TSNARE1: variants seen among roughly 807,000 people sequenced by gnomAD.
TSNARE1 encodes the protein t-SNARE domain-containing protein 1.
Under a neutral mutation model 62.0 loss-of-function variants are expected in TSNARE1, and 49 were observed. The observed-to-expected ratio is 0.79, with a 90% CI of 0.63 to 1.00. The LOEUF (loss-of-function observed/expected upper bound fraction) is 1.00. Among genes scored for constraint, TSNARE1 ranks in the 50% least tolerant of loss-of-function variants. The pLI is 0.00. For synonymous variants in TSNARE1, 328 were observed against 294.4 expected, an observed-to-expected ratio of 1.11 and a Z score of -1.17; for missense variants, 755 against 700.1, an observed-to-expected ratio of 1.08 and a Z score of -0.88.
At position 142,251,300 on chromosome 8, in the gene TSNARE1, T is replaced by C. The variant is rs528817819; in HGVS notation, c.1447-21721A>G. On this transcript the variant is annotated intron_variant, in intron 12 of 13. Transcript: ENST00000524325. The stretch of plus-strand genomic sequence containing the variant: ...GCTCAGGCAGTGTCGGAGTTTGAGA[T>C]TCCGGTCAGCTAGGGCTGAGAACCC... Among the ~76,000 whole-genome samples the C allele has an allele frequency of 1.5e-3, 220 of 145,702 alleles. 1 individual carries two copies. The highest frequency in any genetic ancestry group is 5.3e-3 in the African/African-American group (215 of 40,244).
chr8:142,331,414 C>T (rs1453809020), intron 5 of TSNARE1, among the ~76,000 whole-genome samples: 1 of 152,220 alleles, frequency 6.6e-6, no homozygotes, highest in African/African-American at 2.4e-5. Flanking sequence ...CCAGATCACA[C>T]AAAAGGTGTC....
intron 1 of TSNARE1, among the ~76,000 whole-genome samples, chr8:142,400,739 G>A (rs946269853): frequency 1.7e-4 from 26 of 152,216 alleles, no homozygotes; most frequent in African/African-American, 5.8e-4. Flanking sequence ...GGGATAAAAC[G>A]CCCAACAACC....
In TSNARE1 at chr8:142,314,405, C is replaced by T. The variant is rs1828183565; in HGVS notation, c.1110G>A (p.Met370Ile). Reference protein sequence around the residue: ...IAEKSRALLPMAQRGSKQSPQ... With the variant: ...IAEKSRALLPIAQRGSKQSPQ... Reference sequence around the variant, plus strand: ...CCACCTGTTTACTGCCCCTCTGCGCCATGGGAAGCAGCGCTCTGGACTTTT... The same window carrying T: ...CCACCTGTTTACTGCCCCTCTGCGCTATGGGAAGCAGCGCTCTGGACTTTT... The change falls in exon 9 of 14, where the codon ATG (methionine) becomes ATA (isoleucine). Residue 370 changes from methionine (M) to isoleucine (I), a missense_variant. Met to Ile is a conservative substitution (Grantham distance 10). Transcript: ENST00000524325. The T allele has an allele frequency of 6.2e-7, 1 of 1,613,934 alleles. No homozygotes were observed. Among genetic ancestry groups the T allele is most frequent in the Non-Finnish European group, 8.5e-7 (1 of 1,179,986 alleles).
chr8:142,215,506 T>C (rs1053989304), intron 13 of TSNARE1, among the ~76,000 whole-genome samples: 41 of 152,188 alleles, frequency 2.7e-4, no homozygotes, highest in African/African-American at 8.4e-4. Context: ...CCATTGCCCT[T>C]GTCCACCACC....
chr8:142,336,322 T>C (rs1831757402), intron 4 of TSNARE1, among the ~76,000 whole-genome samples: 1 of 146,610 alleles, frequency 6.8e-6, no homozygotes, highest in Non-Finnish European at 1.5e-5. Context: ...GATCTTGCTC[T>C]ACAGTATATA....
At chr8:142,276,801 G>C in intron 11 of TSNARE1, 2 of 985,386 alleles carry the variant, frequency 2.0e-6, no homozygotes, top group Non-Finnish European at 2.4e-6. Context: ...TGCATGCACC[G>C]GCCACAGACC....
intron 1 of TSNARE1, among the ~76,000 whole-genome samples, chr8:142,401,501 C>G (rs1476485059): frequency 6.6e-6 from 1 of 152,196 alleles, no homozygotes; most frequent in Non-Finnish European, 1.5e-5. Context: ...GGACCTCGCT[C>G]TGCAGGCCAT....
At chr8:142,283,371 G>A (rs376741833) in intron 11 of TSNARE1, among the ~76,000 whole-genome samples, 8 of 150,254 alleles carry the variant, frequency 5.3e-5, no homozygotes, top group African/African-American at 2.0e-4. Flanking sequence ...GGTGGGGCCA[G>A]TGTCTGTCAA....
At position 142,217,788 on chromosome 8, in the gene TSNARE1, C is replaced by T. The variant is rs1418615472; in HGVS notation, c.*12-5475G>A. 3.4e-5 allele frequency among the ~76,000 whole-genome samples: 5 copies of T among 146,774 alleles called. No individual in the cohort carries two copies. The East Asian group carries it at 6.0e-4, about 18-fold the overall frequency. Reference sequence around the variant, plus strand: ...GAGCTTAGTTTGTGACCAGGATCAGCGTTCAGGGTGTGGCCAGGATCAGCG... The same window carrying T: ...GAGCTTAGTTTGTGACCAGGATCAGTGTTCAGGGTGTGGCCAGGATCAGCG... On this transcript the variant is annotated intron_variant, in intron 13 of 13. Coordinates refer to ENST00000524325, the MANE Select transcript of TSNARE1 (RefSeq NM_145003.5).
chr8:142,402,617 G>A (rs1348966623), intron 1 of TSNARE1, among the ~76,000 whole-genome samples: 6 of 152,258 alleles, frequency 3.9e-5, no homozygotes, highest in African/African-American at 9.6e-5. Flanking sequence ...AGAAAGGCAT[G>A]GAGAGGCAAG....
intron 12 of TSNARE1, chr8:142,274,352 A>G: frequency 1.0e-6 from 1 of 985,394 alleles, no homozygotes; most frequent in Non-Finnish European, 1.2e-6. Context: ...CAAGAAAATA[A>G]AGGCCTGAGC....
chr8:142,371,300 T>C (rs1835894902), intron 1 of TSNARE1, among the ~76,000 whole-genome samples: 4 of 151,882 alleles, frequency 2.6e-5, no homozygotes, highest in Admixed American at 2.0e-4. Flanking sequence ...AACTCTTCCA[T>C]GAAGGGGGAA....
intron 11 of TSNARE1, among the ~76,000 whole-genome samples, chr8:142,281,805 G>A (rs999253548): frequency 3.4e-5 from 5 of 149,158 alleles, no homozygotes; most frequent in African/African-American, 1.0e-4. Flanking sequence ...TCCCATCTGG[G>A]AAGGCCCCTC....
At chr8:142,320,411 C>T (rs1829309676) in intron 6 of TSNARE1, among the ~76,000 whole-genome samples, 1 of 151,568 alleles carries the variant, frequency 6.6e-6, no homozygotes. Flanking sequence ...CCTCCCCACA[C>T]CACCCTCCTG....
At chr8:142,269,501 T>G in intron 12 of TSNARE1, 3 of 985,394 alleles carry the variant, frequency 3.0e-6, no homozygotes, top group Non-Finnish European at 3.6e-6. Context: ...TTATTAAGCT[T>G]TATTTTCTGT....
intron 1 of TSNARE1, among the ~76,000 whole-genome samples, chr8:142,389,081 G>C (rs888242144): frequency 2.0e-5 from 3 of 152,166 alleles, no homozygotes; most frequent in East Asian, 3.8e-4. Flanking sequence ...AGGATAGAGA[G>C]CCCAGAAATA....
At chr8:142,304,968 T>A (rs1367388144) in intron 9 of TSNARE1, among the ~76,000 whole-genome samples, 4 of 152,028 alleles carry the variant, frequency 2.6e-5, no homozygotes, top group Admixed American at 2.6e-4. Context: ...AGCCCCCAGG[T>A]AAACATAACA....
intron 13 of TSNARE1, among the ~76,000 whole-genome samples, chr8:142,227,483 C>T (rs940763506): frequency 6.6e-6 from 1 of 151,402 alleles, no homozygotes; most frequent in Non-Finnish European, 1.5e-5. Flanking sequence ...GCAGCCAGGC[C>T]CCCATTCCTG....
intron 1 of TSNARE1, among the ~76,000 whole-genome samples, chr8:142,363,586 ACGGCGTT>A (rs1835316663): frequency 6.6e-6 from 1 of 152,044 alleles, no homozygotes; most frequent in African/African-American, 2.4e-5. Flanking sequence ...CAACCTGAAG[ACGGCGTT>A]CCCAGGGAAT....
Sources: allele counts gnomAD v4.1 joint callset (sites outside exome capture counted in the v4.1 genomes callset), GRCh38; gene constraint gnomAD v4.1.1; transcripts MANE v1.5; gene names NCBI Gene and HGNC (gene_info 2026-07-23, HGNC 2026-07-21).